The following KSR2 variants were observed in gnomAD, a reference collection of about 807,000 sequenced individuals.
KSR2 encodes the protein kinase suppressor of ras 2.
Under a neutral mutation model 107.8 loss-of-function variants are expected in KSR2, and 25 were observed. That is an observed-to-expected ratio of 0.23 (90% CI 0.17 to 0.32). The LOEUF is 0.32. Among genes scored for constraint, KSR2 ranks in the 10% least tolerant of loss-of-function variants. The pLI is 1.00. For missense variants in KSR2, 887 were observed against 1,268.9 expected, an observed-to-expected ratio of 0.70 and a Z score of 4.57; for synonymous variants, 480 against 507.0, an observed-to-expected ratio of 0.95 and a Z score of 0.71.
At chr12:117,929,435 G>A (rs574766727) in intron 1 of KSR2, among the ~76,000 whole-genome samples, 9 of 152,262 alleles carry the variant, frequency 5.9e-5, no homozygotes, top group Admixed American at 2.6e-4. Flanking sequence ...CATGTGAGAC[G>A]TGGCTTTCAC....
At chr12:117,828,898 T>G (rs570576583) in intron 3 of KSR2, among the ~76,000 whole-genome samples, 3 of 152,314 alleles carry the variant, frequency 2.0e-5, no homozygotes, top group African/African-American at 7.2e-5. Flanking sequence ...ACATTCCCAT[T>G]GGCCTCAGAA....
rs1174118339 is a variant in KSR2 at position 117,842,119 on chromosome 12, G to A, written c.472+13309C>T. On this transcript the variant is annotated intron_variant, in intron 3 of 19. Coordinates refer to ENST00000339824, the MANE Select transcript of KSR2 (RefSeq NM_173598.6). This position sits in a 1 kb window ranked among gnomAD's most constrained non-coding sequence, Gnocchi z 4.2. ...GATTTCTGGGCACTGCCCCGGACTGGCTGAAGCAGGAACTCTGGGAGTGGA... is the reference window on the plus strand; with the variant it reads ...GATTTCTGGGCACTGCCCCGGACTGACTGAAGCAGGAACTCTGGGAGTGGA... 6.6e-6 allele frequency among the ~76,000 whole-genome samples: 1 copy of A among 152,230 alleles called. No homozygotes were observed. Among genetic ancestry groups the A allele is most frequent in the Non-Finnish European group, 1.5e-5 (1 of 68,048 alleles).
At chr12:117,848,539 A>C (rs555470178) in intron 3 of KSR2, among the ~76,000 whole-genome samples, 1 of 152,358 alleles carries the variant, frequency 6.6e-6, no homozygotes, top group Admixed American at 6.5e-5. Context: ...CTGGAGAACA[A>C]TCAAGCCAGA....
intron 12 of KSR2, among the ~76,000 whole-genome samples, chr12:117,530,299 G>T (rs1875522259): frequency 6.6e-6 from 1 of 151,994 alleles, no homozygotes; most frequent in South Asian, 2.1e-4. Context: ...TAAACCAGAG[G>T]TTAGCAAATT....
At chr12:117,753,569 A>G (rs926328925) in intron 4 of KSR2, among the ~76,000 whole-genome samples, 1 of 152,188 alleles carries the variant, frequency 6.6e-6, no homozygotes, top group Non-Finnish European at 1.5e-5. Flanking sequence ...GGAACAGAAA[A>G]CCAAATACCG....
chr12:117,810,795 G>A (rs1006818606), intron 3 of KSR2, among the ~76,000 whole-genome samples: 1 of 152,052 alleles, frequency 6.6e-6, no homozygotes, highest in Non-Finnish European at 1.5e-5. Context: ...TTTTGTTTTG[G>A]GGGTGGTGGT....
chr12:117,587,172 C>T (rs1326207704), intron 5 of KSR2, among the ~76,000 whole-genome samples: 4 of 152,166 alleles, frequency 2.6e-5, no homozygotes, highest in Admixed American at 6.5e-5. Context: ...AAGATGCCCA[C>T]GTCCTGATCC....
intron 17 of KSR2, among the ~76,000 whole-genome samples, chr12:117,471,916 T>C (rs1410404594): frequency 6.6e-6 from 1 of 152,064 alleles, no homozygotes; most frequent in African/African-American, 2.4e-5. Flanking sequence ...AAGTAAAGCA[T>C]AGCAAAATGT....
intron 5 of KSR2, among the ~76,000 whole-genome samples, chr12:117,622,099 T>C (rs1399996083): frequency 6.6e-6 from 1 of 152,070 alleles, no homozygotes; most frequent in African/African-American, 2.4e-5. Context: ...AAACTCTTGA[T>C]GGGGCAGTTG....
At chr12:117,792,395 A>T (rs530942217) in intron 3 of KSR2, among the ~76,000 whole-genome samples, 99 of 152,202 alleles carry the variant, frequency 6.5e-4, no homozygotes, top group African/African-American at 2.2e-3. Context: ...CTGGAGTCAG[A>T]CAGACCTGCT....
At chr12:117,787,170 A>G (rs1331613175) in intron 3 of KSR2, among the ~76,000 whole-genome samples, 1 of 152,066 alleles carries the variant, frequency 6.6e-6, no homozygotes, top group East Asian at 1.9e-4. Flanking sequence ...GTGTGTATTT[A>G]TGTGTTTATA....
chr12:117,455,001 G>A lies in KSR2; in HGVS notation c.*12198C>T, dbSNP rs1395014443. On this transcript the variant is annotated 3_prime_UTR_variant, in exon 20 of 20. Transcript: ENST00000339824. The stretch of plus-strand genomic sequence containing the variant: ...CACATCCTTCACTGTGTGGAGGCAG[G>A]CAGAGACAGAGACAGACACAGAGAC... 2 of 145,096 alleles carry A rather than the reference G, an allele frequency of 1.4e-5. No homozygotes were observed. Among genetic ancestry groups the A allele is most frequent in the African/African-American group, 5.3e-5 (2 of 37,500 alleles). The allele number at this position is 145,096 out of a possible 1,614,324, so 9.0% of individuals were successfully genotyped here.
intron 1 of KSR2, among the ~76,000 whole-genome samples, chr12:117,882,312 C>T (rs1387697736): frequency 6.6e-6 from 1 of 152,164 alleles, no homozygotes; most frequent in African/African-American, 2.4e-5. Flanking sequence ...TTGACAAGCA[C>T]TCATAACTTC....
intron 19 of KSR2, 105 bp from the exon 20 acceptor site, chr12:117,467,310 A>T: frequency 1.7e-6 from 1 of 572,734 alleles, no homozygotes; most frequent in Non-Finnish European, 3.2e-6. Flanking sequence ...GCTTGAGATG[A>T]ACTGTTCCTG....
intron 5 of KSR2, among the ~76,000 whole-genome samples, chr12:117,599,138 G>A (rs1880802262): frequency 6.6e-6 from 1 of 152,098 alleles, no homozygotes; most frequent in Non-Finnish European, 1.5e-5. Context: ...TTTGTATAAT[G>A]GCAAAAACTG....
At chr12:117,912,124 G>A (rs75212540) in intron 1 of KSR2, among the ~76,000 whole-genome samples, 5,641 of 152,224 alleles carry the variant, frequency 0.037, 159 homozygotes, top group East Asian at 0.16. Context: ...AGTGGCGTAG[G>A]GCTCTCTCAA....
At chr12:117,494,788 C>T (rs1032209674) in intron 14 of KSR2, among the ~76,000 whole-genome samples, 2 of 152,138 alleles carry the variant, frequency 1.3e-5, no homozygotes, top group African/African-American at 2.4e-5. Flanking sequence ...CATCTTTAGC[C>T]AGGGTGCCCA....
At chr12:117,883,898 A>G (rs1212753535) in intron 1 of KSR2, among the ~76,000 whole-genome samples, 1 of 150,926 alleles carries the variant, frequency 6.6e-6, no homozygotes, top group Non-Finnish European at 1.5e-5. Flanking sequence ...AAAAAAAGGA[A>G]ATGAGGTCAA....
intron 5 of KSR2, among the ~76,000 whole-genome samples, chr12:117,641,358 C>T (rs1457606454): frequency 6.6e-6 from 1 of 152,110 alleles, no homozygotes. Context: ...CTCTGCCTCC[C>T]AAGGTTAGAA....
Sources: allele counts gnomAD v4.1 joint callset (sites outside exome capture counted in the v4.1 genomes callset), GRCh38; gene constraint gnomAD v4.1.1; non-coding constraint Gnocchi (gnomAD v3.1); transcripts MANE v1.5; gene names NCBI Gene and HGNC (gene_info 2026-07-23, HGNC 2026-07-21).